Variants in TJP2 observed in about 807,000 individuals in gnomAD.
TJP2 encodes the protein Friedreich ataxia region gene X104 (tight junction protein ZO-2).
TJP2 carries 91 observed loss-of-function variants against 133.1 expected under a neutral mutation model. The observed-to-expected ratio is 0.68, with a 90% CI of 0.58 to 0.81. TJP2 has a LOEUF of 0.81. TJP2 is among the 40% of genes least tolerant of loss of function. The pLI is 0.00. For missense variants in TJP2, 1,541 were observed against 1,565.6 expected, an observed-to-expected ratio of 0.98 and a Z score of 0.26; for synonymous variants, 592 against 583.4, an observed-to-expected ratio of 1.01 and a Z score of -0.21.
chr9:69,238,637 G>A (rs1428127527), intron 15 of TJP2, 73 bp from the exon 16 acceptor site: 2 of 1,196,328 alleles, frequency 1.7e-6, no homozygotes, highest in Non-Finnish European at 2.5e-6. Context: ...ATCATTGCTT[G>A]ATGCTAGGTG....
At chr9:69,224,959 T>G (rs1829221373) in intron 5 of TJP2, among the ~76,000 whole-genome samples, 1 of 152,190 alleles carries the variant, frequency 6.6e-6, no homozygotes, top group African/African-American at 2.4e-5. Context: ...ATTATAACAC[T>G]TAAGAAGATT....
chr9:69,229,999 A>G, intron 10 of TJP2, 83 bp from the exon 11 acceptor site: 1 of 1,550,310 alleles, frequency 6.5e-7, no homozygotes, highest in Non-Finnish European at 8.9e-7. Context: ...GCTAGAAGAA[A>G]TTAAATCTCT....
Position 69,254,302 on chromosome 9 carries a change from C to T in TJP2, c.3501C>T (p.Arg1167=). Residue 1167 remains arginine (R), a synonymous_variant, in exon 23 of 23, where the codon CGC becomes CGT. Coordinates refer to ENST00000377245, the MANE Select transcript of TJP2 (RefSeq NM_004817.4). The part of the protein sequence containing the change: ...YGSDAEEEEY[R]QQLSEHSKRG... ...GTGATGCCGAGGAGGAGGAGTACCG[C>T]CAGCAGCTGTCAGAACACTCCAAGC... 1.9e-6 allele frequency: 3 copies of T among 1,614,262 alleles called. No homozygotes were observed. The South Asian group carries it at 3.3e-5, about 18-fold the overall frequency.
intron 1 of TJP2, among the ~76,000 whole-genome samples, chr9:69,207,748 T>C (rs1827547525): frequency 6.6e-6 from 1 of 152,196 alleles, no homozygotes; most frequent in East Asian, 1.9e-4. Flanking sequence ...CACAAGGTGG[T>C]GGGTGGGACC....
At chr9:69,122,390 C>T (rs973350830) in intron 1 of TJP2, among the ~76,000 whole-genome samples, 5 of 152,228 alleles carry the variant, frequency 3.3e-5, no homozygotes, top group African/African-American at 1.2e-4. Context: ...GACCGTACAG[C>T]CCTGGGGGTG....
At position 69,200,031 on chromosome 9, in the gene TJP2, T is replaced by G. The variant is rs150124784; in HGVS notation, c.61-12517T>G. 4.7e-3 allele frequency among the ~76,000 whole-genome samples: 722 copies of G among 152,320 alleles called. 4 individuals are homozygous for G. The highest frequency in any genetic ancestry group is 7.6e-3 in the Non-Finnish European group (517 of 68,014). ...CTCCAGTTTTCACACTTACCTTGTCTCCCATTTCTGAGGTGAATATGCATT... is the reference window on the plus strand; with the variant it reads ...CTCCAGTTTTCACACTTACCTTGTCGCCCATTTCTGAGGTGAATATGCATT... On this transcript the variant is annotated intron_variant, in intron 1 of 22. Transcript: ENST00000377245.
intron 17 of TJP2, among the ~76,000 whole-genome samples, chr9:69,245,721 C>A (rs1261305654): frequency 6.6e-6 from 1 of 152,150 alleles, no homozygotes; most frequent in Non-Finnish European, 1.5e-5. Context: ...GCAACACCTA[C>A]CTTGCAAAGT....
intron 1 of TJP2, among the ~76,000 whole-genome samples, chr9:69,142,089 A>G (rs1321565011): frequency 6.6e-6 from 1 of 152,184 alleles, no homozygotes; most frequent in Admixed American, 6.5e-5. Context: ...GGGTGTCTTC[A>G]AGGTCTCATG....
exon 2 of TJP2, chr9:69,151,708 C>A (rs113401861): frequency 4.2e-5 from 52 of 1,231,948 alleles, no homozygotes; most frequent in Non-Finnish European, 4.9e-5. Flanking sequence ...ACCCCGGCTG[C>A]AGCTCCAGGA....
intron 1 of TJP2, among the ~76,000 whole-genome samples, chr9:69,181,949 G>A (rs1437841149): frequency 1.3e-5 from 2 of 152,148 alleles, no homozygotes; most frequent in Non-Finnish European, 2.9e-5. Context: ...ATCTTGCAGA[G>A]CTTCTTGAGA....
intron 1 of TJP2, among the ~76,000 whole-genome samples, chr9:69,209,108 G>T (rs934874581): frequency 6.6e-6 from 1 of 152,082 alleles, no homozygotes; most frequent in Non-Finnish European, 1.5e-5. Flanking sequence ...CTGACTTACT[G>T]CAGGAGTTCA....
intron 2 of TJP2, among the ~76,000 whole-genome samples, chr9:69,214,349 G>A (rs1248424553): frequency 6.6e-6 from 1 of 152,120 alleles, no homozygotes; most frequent in Non-Finnish European, 1.5e-5. Context: ...GCCTCCCGAA[G>A]TGCTGGGATT....
intron 22 of TJP2, 79 bp downstream of exon 22, chr9:69,252,979 C>T (rs1378714994): frequency 7.2e-7 from 1 of 1,390,886 alleles, no homozygotes; most frequent in Non-Finnish European, 1.0e-6. Flanking sequence ...TTTCCTTTAC[C>T]CAAATTTCAG....
chr9:69,225,905 G>A, intron 6 of TJP2, 117 bp from the exon 7 acceptor site: 1 of 1,111,880 alleles, frequency 9.0e-7, no homozygotes, highest in Non-Finnish European at 1.3e-6. Flanking sequence ...TCATCCTAAA[G>A]CCAATATCTG....
Position 69,127,235 on chromosome 9 carries a change from A to C in TJP2, c.-131+5510A>C, listed in dbSNP as rs1259713730. On this transcript the variant is annotated intron_variant, in intron 1 of 5. Transcript: ENST00000423935. Reference sequence around the variant, plus strand: ...CAGGTGCCCGCCACCACGCCCGGCTAATTTTTTGTATTTTTAGTAGAAACG... The same window carrying C: ...CAGGTGCCCGCCACCACGCCCGGCTCATTTTTTGTATTTTTAGTAGAAACG... 2.8e-5 allele frequency among the ~76,000 whole-genome samples: 2 copies of C among 70,524 alleles called. 1 individual carries two copies. The highest frequency in any genetic ancestry group is 9.6e-5 in the African/African-American group (2 of 20,818). The allele number at this position is 70,524 out of a possible 152,430, so 46.3% of individuals were successfully genotyped here. A position where few individuals can be genotyped will look rare whatever the true frequency, so the allele number is the denominator to read the frequency against.
At chr9:69,150,862 C>T (rs1823439617) in intron 1 of TJP2, among the ~76,000 whole-genome samples, 1 of 152,168 alleles carries the variant, frequency 6.6e-6, no homozygotes, top group Admixed American at 6.5e-5. Flanking sequence ...ACAACCCAAA[C>T]TTCCACCAAC....
At chr9:69,209,751 C>CAA (rs377576927) in intron 1 of TJP2, among the ~76,000 whole-genome samples, 3,181 of 136,212 alleles carry the variant, frequency 0.023, 89 homozygotes, top group African/African-American at 0.068. Context: ...AACTCCATCT[C>CAA]AAAAAAAAAA....
At position 69,162,646 on chromosome 9, in the gene TJP2, AAT is replaced by A. The variant is rs2132861407; in HGVS notation, c.-10+10877_-10+10878del. On this transcript the variant is annotated intron_variant, in intron 2 of 5. Coordinates refer to the TJP2 transcript ENST00000423935. ...TGATAGAGATCTAGTTCATGAAACAAATAGTCAAACTCTATTCTTATGTAGAA... is the reference window on the plus strand; with the variant it reads ...TGATAGAGATCTAGTTCATGAAACAAAGTCAAACTCTATTCTTATGTAGAA... Among the ~76,000 whole-genome samples, 3 of 152,390 alleles carry A rather than the reference AAT, an allele frequency of 2.0e-5. No individual in the cohort carries two copies. In the South Asian group the frequency reaches 6.2e-4, roughly 32 times the overall value.
At chr9:69,226,949 A>G (rs1414705154) in intron 7 of TJP2, among the ~76,000 whole-genome samples, 1 of 152,232 alleles carries the variant, frequency 6.6e-6, no homozygotes, top group Non-Finnish European at 1.5e-5. Context: ...CTTCCCTTTT[A>G]AAGAGCTATA....
Sources: gnomAD v4.1 joint callset for allele counts (sites outside exome capture counted in the v4.1 genomes callset) on GRCh38, gnomAD v4.1.1 for gene constraint, MANE v1.5 for transcripts, NCBI Gene and HGNC (gene_info 2026-07-23, HGNC 2026-07-21) for gene names.